The following GCM1 variants were observed in gnomAD, a reference collection of about 807,000 sequenced individuals.
GCM1 encodes chorion-specific transcription factor GCMa.
GCM1 carries 2 observed loss-of-function variants against 25.7 expected under a neutral mutation model. The ratio of observed to expected loss-of-function variants is 0.08; its 90% confidence interval spans 0.03 to 0.24. The LOEUF is 0.24. Ranked by LOEUF, GCM1 falls within the 10% of genes least tolerant of loss-of-function variation. The probability of loss-of-function intolerance (pLI) is 1.00; values close to 1 mark genes in which losing one functional copy is unlikely to be tolerated. For missense variants in GCM1, 395 were observed against 538.7 expected, an observed-to-expected ratio of 0.73 and a Z score of 2.64; for synonymous variants, 183 against 195.7, an observed-to-expected ratio of 0.94 and a Z score of 0.54.
intron 3 of GCM1, among the ~76,000 whole-genome samples, chr6:53,133,731 T>G (rs1031495156): frequency 6.6e-6 from 1 of 152,062 alleles, no homozygotes; most frequent in African/African-American, 2.4e-5. Context: ...TGGCCTCAAT[T>G]TATCCTCTCA....
intron 2 of GCM1, 78 bp from the exon 3 acceptor site, chr6:53,134,402 G>A: frequency 7.2e-7 from 1 of 1,391,552 alleles, no homozygotes; most frequent in Non-Finnish European, 1.0e-6. Context: ...TGAGTAGATA[G>A]GAAGGATGTT....
intron 3 of GCM1, 86 bp from the exon 4 acceptor site, chr6:53,132,205 G>T: frequency 1.2e-6 from 1 of 836,808 alleles, no homozygotes; most frequent in South Asian, 1.4e-5. Flanking sequence ...TTTTAGCCCT[G>T]ACTCAAGGAC....
At chr6:53,139,388 A>G (rs928365637) in intron 2 of GCM1, among the ~76,000 whole-genome samples, 2 of 150,716 alleles carry the variant, frequency 1.3e-5, no homozygotes, top group African/African-American at 4.9e-5. Context: ...TAGGGCAGGC[A>G]TGGTGGGGAA....
intron 2 of GCM1, among the ~76,000 whole-genome samples, chr6:53,144,978 AAAAG>A (rs926628247): frequency 2.1e-5 from 3 of 143,278 alleles, no homozygotes; most frequent in Admixed American, 6.8e-5. Context: ...AAAGAAAATG[AAAAG>A]AAAGAGAGAG....
chr6:53,145,939 G>A (rs911026691), intron 1 of GCM1, among the ~76,000 whole-genome samples, 171 bp from the exon 2 acceptor site: 1 of 152,072 alleles, frequency 6.6e-6, no homozygotes, highest in African/African-American at 2.4e-5. Context: ...TGGCCATCGG[G>A]AATTAGAAGC....
intron 2 of GCM1, among the ~76,000 whole-genome samples, chr6:53,143,438 C>A (rs1763909374): frequency 6.6e-6 from 1 of 152,124 alleles, no homozygotes. Flanking sequence ...GTGTCACCAC[C>A]ATTTCATGGG....
At chr6:53,139,495 C>CAAAAAAAA (rs58094365) in intron 2 of GCM1, among the ~76,000 whole-genome samples, 1 of 105,810 alleles carries the variant, frequency 9.5e-6, no homozygotes. Flanking sequence ...ACCCCCATCT[C>CAAAAAAAA]AAAAAAAAAA....
At chr6:53,148,646 T>A (rs554700367) in intron 1 of GCM1, 108 bp downstream of exon 1, 2 of 152,338 alleles carry the variant, frequency 1.3e-5, no homozygotes, top group Admixed American at 1.3e-4. Context: ...TCAATTTTCA[T>A]CATTTCTACA....
intron 3 of GCM1, among the ~76,000 whole-genome samples, chr6:53,133,015 A>G (rs1233386749): frequency 6.6e-6 from 1 of 152,192 alleles, no homozygotes. Flanking sequence ...AATGAATGGA[A>G]TTGAGTCTAA....
chr6:53,147,725 G>A (rs115668867), intron 1 of GCM1, among the ~76,000 whole-genome samples: 4,499 of 152,030 alleles, frequency 0.03, 216 homozygotes, highest in African/African-American at 0.1. Context: ...CACTGTGCCC[G>A]GCCTGTTCTT....
chr6:53,140,372 G>A (rs1270406986), intron 2 of GCM1, among the ~76,000 whole-genome samples: 1 of 152,074 alleles, frequency 6.6e-6, no homozygotes, highest in African/African-American at 2.4e-5. Flanking sequence ...CACAGAGAGA[G>A]CTCAAATATT....
chr6:53,140,349 G>A (rs1040094851), intron 2 of GCM1, among the ~76,000 whole-genome samples: 27 of 151,958 alleles, frequency 1.8e-4, no homozygotes, highest in African/African-American at 6.0e-4. Context: ...GATTACATGT[G>A]GCCACATGGA....
rs532917617 is a variant in GCM1 at position 53,132,724 on chromosome 6, G to A, written c.329-605C>T. 9.9e-5 allele frequency among the ~76,000 whole-genome samples: 15 copies of A among 152,154 alleles called. No individual in the cohort carries two copies. In the South Asian group the frequency reaches 2.9e-3, roughly 29 times the overall value. ...GAAAGTCTGTCTCAAAAATAAAAAAGAGAAGTTCTTTCACTTCACAATTAG... is the reference window on the plus strand; with the variant it reads ...GAAAGTCTGTCTCAAAAATAAAAAAAAGAAGTTCTTTCACTTCACAATTAG... On this transcript the variant is annotated intron_variant, in intron 3 of 5. Transcript: ENST00000259803.
At chr6:53,143,949 C>T (rs1036294082) in intron 2 of GCM1, among the ~76,000 whole-genome samples, 13 of 152,190 alleles carry the variant, frequency 8.5e-5, no homozygotes, top group African/African-American at 3.1e-4. Context: ...TATTCCCTCT[C>T]CCCTGCTTCT....
intron 2 of GCM1, among the ~76,000 whole-genome samples, chr6:53,136,427 G>C (rs1191320334): frequency 1.3e-5 from 2 of 152,168 alleles, no homozygotes; most frequent in African/African-American, 4.8e-5. Flanking sequence ...TCTGTTTCCT[G>C]CTCTGTAAAA....
rs1223691364 is a variant in GCM1, at chr6:53,128,028, C to CAAA, written c.*175_*177dup. ...TGGGCAAAAGAGCAAGACTCTGTCT[C>CAAA]AAAAAAAAAAAAAAAAAAAAAAAAA... On this transcript the variant is annotated 3_prime_UTR_variant, in exon 6 of 6. Transcript: ENST00000259803. The CAAA allele has an allele frequency of 6.9e-3, 454 of 65,888 alleles. 3 individuals are homozygous for CAAA. The highest frequency in any genetic ancestry group is 0.014 in the South Asian group (65 of 4,508). The allele number at this position is 65,888 out of a possible 1,614,324, so 4.1% of individuals were successfully genotyped here.
At chr6:53,144,828 T>C (rs2127511030) in intron 2 of GCM1, among the ~76,000 whole-genome samples, 2 of 148,286 alleles carry the variant, frequency 1.3e-5, no homozygotes, top group East Asian at 4.0e-4. Flanking sequence ...GGTGAGAGAA[T>C]CACTTGAACT....
chr6:53,142,541 T>G (rs1763890321), intron 2 of GCM1, among the ~76,000 whole-genome samples: 1 of 152,250 alleles, frequency 6.6e-6, no homozygotes, highest in South Asian at 2.1e-4. Flanking sequence ...ACAGAATATA[T>G]TTAGGGAACA....
intron 2 of GCM1, among the ~76,000 whole-genome samples, chr6:53,139,516 A>AAG (rs1763844393): frequency 7.7e-6 from 1 of 130,608 alleles, no homozygotes; most frequent in Non-Finnish European, 1.6e-5. Context: ...AAAAAAAAAA[A>AAG]GGGGGAATTA....
Sources: gnomAD v4.1 joint callset for allele counts (sites outside exome capture counted in the v4.1 genomes callset) on GRCh38, gnomAD v4.1.1 for gene constraint, MANE v1.5 for transcripts, NCBI Gene and HGNC (gene_info 2026-07-23, HGNC 2026-07-21) for gene names.